PPP1CB: variants seen among roughly 807,000 people sequenced by gnomAD.
The protein encoded by PPP1CB is protein phosphatase 1 catalytic subunit beta, also known as serine/threonine-protein phosphatase PP1-beta catalytic subunit.
A neutral mutation model predicts 43.7 loss-of-function variants in PPP1CB; 2 were observed. The observed-to-expected ratio is 0.05, with a 90% CI of 0.02 to 0.14. The LOEUF is 0.14. PPP1CB is among the 10% of genes least tolerant of loss of function. The pLI is 1.00. For missense variants in PPP1CB, 84 were observed against 398.0 expected (o/e 0.21, Z 6.71); for synonymous variants, 136 against 135.6 (o/e 1.00, Z -0.02).
intron 1 of PPP1CB, among the ~76,000 whole-genome samples, chr2:28,754,648 T>C (rs1329861843): frequency 1.3e-5 from 2 of 152,248 alleles, no homozygotes; most frequent in Non-Finnish European, 2.9e-5. Flanking sequence ...GATCCAGACC[T>C]GTTGAAAGAC....
At chr2:28,760,091 G>C (rs1412471835) in intron 1 of PPP1CB, among the ~76,000 whole-genome samples, 1 of 152,136 alleles carries the variant, frequency 6.6e-6, no homozygotes, top group African/African-American at 2.4e-5. Flanking sequence ...TGTTACTGAT[G>C]ATCCTGACTC....
At chr2:28,762,263 C>T (rs1023183487) in intron 1 of PPP1CB, among the ~76,000 whole-genome samples, 2 of 150,522 alleles carry the variant, frequency 1.3e-5, no homozygotes, top group African/African-American at 4.9e-5. Flanking sequence ...CCAGCCTGGG[C>T]GACAGAGTGA....
intron 6 of PPP1CB, among the ~76,000 whole-genome samples, chr2:28,789,412 G>C (rs1667340721): frequency 6.6e-6 from 1 of 151,910 alleles, no homozygotes; most frequent in South Asian, 2.1e-4. Context: ...GGGAGGCTGA[G>C]GTGGGAGGAT....
chr2:28,766,071 A>G (rs987342444), intron 1 of PPP1CB, among the ~76,000 whole-genome samples: 2 of 152,208 alleles, frequency 1.3e-5, no homozygotes, highest in South Asian at 4.1e-4. Flanking sequence ...ATTTTGTAGA[A>G]TAGAGGCTAC....
chr2:28,752,279 C>A, intron 1 of PPP1CB, 103 bp downstream of exon 1: 3 of 1,088,074 alleles, frequency 2.8e-6, no homozygotes, highest in Non-Finnish European at 3.9e-6. Flanking sequence ...TTTCCCGCCC[C>A]GAGACGAGTC....
At position 28,788,187 on chromosome 2, in the gene PPP1CB, C is replaced by G. The variant is rs372726611; in HGVS notation, c.593-471C>G. 3.3e-5 allele frequency among the ~76,000 whole-genome samples: 5 copies of G among 151,902 alleles called. No individual in the cohort carries two copies. In the East Asian group the frequency reaches 9.6e-4, roughly 29 times the overall value. On this transcript the variant is annotated intron_variant, in intron 5 of 7. Coordinates refer to ENST00000395366, the MANE Select transcript of PPP1CB (RefSeq NM_002709.3). The stretch of plus-strand genomic sequence containing the variant: ...AAAAAAATGGAGGATACTAGCCCTA[C>G]CAAATATAAAGACTTATTAAAAAGC...
intron 5 of PPP1CB, among the ~76,000 whole-genome samples, chr2:28,787,313 G>A (rs547186552): frequency 3.9e-5 from 6 of 152,162 alleles, no homozygotes; most frequent in Admixed American, 3.9e-4. Flanking sequence ...CAAAAAATTA[G>A]CCGGGCGTGG....
chr2:28,777,085 GA>G, intron 2 of PPP1CB, 103 bp downstream of exon 2: 1 of 1,207,324 alleles, frequency 8.3e-7, no homozygotes. Context: ...GTATAAAACA[GA>G]TCAGTAGGCT....
chr2:28,753,442 G>C (rs1035984206), intron 1 of PPP1CB, among the ~76,000 whole-genome samples: 5 of 152,196 alleles, frequency 3.3e-5, no homozygotes, highest in African/African-American at 2.4e-5. Flanking sequence ...CTCCAGATGT[G>C]AAAGCCATCC....
intron 6 of PPP1CB, among the ~76,000 whole-genome samples, chr2:28,789,814 C>T (rs943824741): frequency 5.3e-5 from 8 of 151,740 alleles, no homozygotes; most frequent in African/African-American, 1.9e-4. Context: ...GGCCAGGCTG[C>T]CCTTGAACTC....
intron 1 of PPP1CB, among the ~76,000 whole-genome samples, chr2:28,773,301 A>ATCCGAAAATTTCTAGGAAATTTTTGG (rs1666953915): frequency 1.3e-5 from 2 of 152,184 alleles, no homozygotes; most frequent in African/African-American, 4.8e-5. Context: ...GAAATTTTTG[A>ATCCGAAAATTTCTAGGAAATTTTTGG]TCCAAAAATT....
chr2:28,786,589 C>T (rs1284431466), intron 5 of PPP1CB, among the ~76,000 whole-genome samples: 1 of 151,828 alleles, frequency 6.6e-6, no homozygotes, highest in Non-Finnish European at 1.5e-5. Flanking sequence ...TCGAGACCAT[C>T]CTGGCTAACA....
intron 1 of PPP1CB, 21 bp from the exon 2 acceptor site, chr2:28,776,830 G>A (rs368152896): frequency 1.9e-6 from 3 of 1,580,488 alleles, no homozygotes; most frequent in South Asian, 1.1e-5. Flanking sequence ...AAAACTGACT[G>A]TTTTATTTAT....
chr2:28,760,254 A>G (rs1379260050), intron 1 of PPP1CB, among the ~76,000 whole-genome samples: 1 of 152,252 alleles, frequency 6.6e-6, no homozygotes, highest in East Asian at 1.9e-4. Context: ...TTTTAAGCTA[A>G]TCGTTACTAG....
chr2:28,767,940 G>A (rs1028387791), intron 1 of PPP1CB, among the ~76,000 whole-genome samples: 2 of 152,164 alleles, frequency 1.3e-5, no homozygotes, highest in African/African-American at 4.8e-5. Flanking sequence ...TAACCTTACT[G>A]GAAGTCAGGA....
At chr2:28,793,522 A>G (rs1368052123) in intron 6 of PPP1CB, among the ~76,000 whole-genome samples, 1 of 151,328 alleles carries the variant, frequency 6.6e-6, no homozygotes, top group East Asian at 1.9e-4. Flanking sequence ...TTTAAAACTT[A>G]AAAACAAAAA....
At chr2:28,766,282 C>T (rs1176534912) in intron 1 of PPP1CB, among the ~76,000 whole-genome samples, 1 of 152,170 alleles carries the variant, frequency 6.6e-6, no homozygotes, top group Non-Finnish European at 1.5e-5. Flanking sequence ...TGAGGATATT[C>T]AGCTTTTATT....
intron 6 of PPP1CB, among the ~76,000 whole-genome samples, chr2:28,792,670 T>C (rs1667413220): frequency 1.3e-5 from 2 of 152,356 alleles, no homozygotes; most frequent in East Asian, 1.9e-4. Context: ...AGCAGAAGCA[T>C]GTTCCTAGTA....
intron 5 of PPP1CB, among the ~76,000 whole-genome samples, chr2:28,785,537 T>G (rs975613196): frequency 2.0e-5 from 3 of 152,138 alleles, no homozygotes; most frequent in Admixed American, 2.0e-4. Context: ...TTAGGCCTGG[T>G]GCACTAGTTC....
Sources: gnomAD v4.1 joint callset for allele counts (sites outside exome capture counted in the v4.1 genomes callset) on GRCh38, gnomAD v4.1.1 for gene constraint, MANE v1.5 for transcripts, NCBI Gene and HGNC (gene_info 2026-07-23, HGNC 2026-07-21) for gene names.